UVSSA: variants seen among roughly 807,000 people sequenced by gnomAD.
UVSSA encodes the protein UV stimulated scaffold protein A, also known as UV-stimulated scaffold protein A.
In UVSSA, 72 loss-of-function variants were observed where a neutral mutation model predicts 73.9. The observed-to-expected ratio is 0.97, with a 90% CI of 0.81 to 1.19. The LOEUF (loss-of-function observed/expected upper bound fraction) is 1.19, where lower values mean the gene tolerates loss of function less well. UVSSA is among the 50% of genes most tolerant of loss of function. The pLI, the probability that UVSSA is intolerant of heterozygous loss-of-function variation, is 0.00. For synonymous variants in UVSSA, 454 were observed against 391.3 expected (o/e 1.16, Z -1.89); for missense variants, 1,150 against 965.0 (o/e 1.19, Z -2.54).
At chr4:1,350,347 C>T (rs538529243) in intron 3 of UVSSA, among the ~76,000 whole-genome samples, 1 of 152,322 alleles carries the variant, frequency 6.6e-6, no homozygotes, top group East Asian at 1.9e-4. Context: ...CTACCGTGCC[C>T]CTTACCCCAC....
chr4:1,381,384 C>A (rs991396223), intron 12 of UVSSA, among the ~76,000 whole-genome samples: 1 of 152,226 alleles, frequency 6.6e-6, no homozygotes, highest in African/African-American at 2.4e-5. Flanking sequence ...GCCTCCTCAG[C>A]CATACCCCGC....
intron 7 of UVSSA, among the ~76,000 whole-genome samples, chr4:1,355,594 G>A (rs1464724910): frequency 1.3e-5 from 2 of 152,194 alleles, no homozygotes; most frequent in African/African-American, 2.4e-5. Context: ...GTCCTGGCAG[G>A]CACTGTATCC....
chr4:1,345,806 G>A (rs1004454915), upstream of UVSSA, among the ~76,000 whole-genome samples: 2 of 152,082 alleles, frequency 1.3e-5, no homozygotes, highest in African/African-American at 2.4e-5. Context: ...AAGAAAAGTT[G>A]GATAAAGAGA....
chr4:1,349,004 T>C (rs1714194740), intron 2 of UVSSA, among the ~76,000 whole-genome samples: 1 of 151,188 alleles, frequency 6.6e-6, no homozygotes, highest in Non-Finnish European at 1.5e-5. Flanking sequence ...CGGTGTGCGT[T>C]GTGCCGGGCG....
At chr4:1,378,076 C>T (rs570651029) in intron 10 of UVSSA, among the ~76,000 whole-genome samples, 1 of 152,358 alleles carries the variant, frequency 6.6e-6, no homozygotes, top group Admixed American at 6.5e-5. Context: ...GGGGTCCTGC[C>T]CTCTGGCTCT....
chr4:1,394,207 T>C, exon 14 of UVSSA: 1 of 539,538 alleles, frequency 1.9e-6, no homozygotes, highest in South Asian at 2.1e-5. Flanking sequence ...CTTCCATGCC[T>C]CCAGGAGTGT....
At chr4:1,371,608 G>T (rs1391335520) in intron 8 of UVSSA, among the ~76,000 whole-genome samples, 1 of 152,186 alleles carries the variant, frequency 6.6e-6, no homozygotes, top group African/African-American at 2.4e-5. Context: ...CACAATCATG[G>T]TGGAAGGCAA....
intron 11 of UVSSA, chr4:1,380,562 G>T: frequency 7.9e-7 from 1 of 1,273,774 alleles, no homozygotes; most frequent in Non-Finnish European, 1.1e-6. Flanking sequence ...GAGGCCAGGG[G>T]GCCAGGGCAG....
chr4:1,357,531 G>A (rs1715962006), intron 7 of UVSSA, among the ~76,000 whole-genome samples: 1 of 152,234 alleles, frequency 6.6e-6, no homozygotes, highest in South Asian at 2.1e-4. Flanking sequence ...GCCTGCTTGG[G>A]TGAGGATGAG....
At chr4:1,349,200 G>A (rs1479981620) in intron 2 of UVSSA, among the ~76,000 whole-genome samples, 1 of 152,210 alleles carries the variant, frequency 6.6e-6, no homozygotes, top group Non-Finnish European at 1.5e-5. Context: ...TGATGTAGGT[G>A]GATAGATGGG....
At chr4:1,361,197 A>C (rs751301704) in intron 7 of UVSSA, among the ~76,000 whole-genome samples, 3 of 152,176 alleles carry the variant, frequency 2.0e-5, no homozygotes, top group Non-Finnish European at 4.4e-5. Flanking sequence ...TCTCACACCC[A>C]AGAAGGCCCC....
upstream of UVSSA, among the ~76,000 whole-genome samples, chr4:1,342,126 A>G (rs1019012576): frequency 7.2e-5 from 11 of 152,224 alleles, no homozygotes; most frequent in African/African-American, 2.7e-4. Context: ...ATTCTCTGGA[A>G]GTAGAAGGAA....
chr4:1,385,801 C>G (rs944424807), intron 13 of UVSSA, 67 bp from the exon 14 acceptor site: 1 of 1,551,562 alleles, frequency 6.4e-7, no homozygotes, highest in Non-Finnish European at 8.9e-7. Context: ...TTTGGTGATG[C>G]CGCCACTGGG....
At chr4:1,363,322 A>G (rs1174126954) in intron 7 of UVSSA, among the ~76,000 whole-genome samples, 1 of 152,142 alleles carries the variant, frequency 6.6e-6, no homozygotes, top group Non-Finnish European at 1.5e-5. Flanking sequence ...AGGGCTCCAA[A>G]TTTAGTCACA....
At chr4:1,395,642 G>T in exon 14 of UVSSA, 1 of 1,581,984 alleles carries the variant, frequency 6.3e-7, no homozygotes, top group Middle Eastern at 1.7e-4. Flanking sequence ...CTGCTCACAC[G>T]TGCCCATGTG....
intron 5 of UVSSA, among the ~76,000 whole-genome samples, chr4:1,354,066 T>C (rs1191197020): frequency 6.6e-6 from 1 of 152,206 alleles, no homozygotes; most frequent in Non-Finnish European, 1.5e-5. Context: ...CCTTCTTCTT[T>C]GGAAGCAGGC....
chr4:1,348,089 G>A lies in UVSSA; in HGVS notation c.-2-1G>A, dbSNP rs757606945. 1 of 1,610,190 alleles carries A rather than the reference G, an allele frequency of 6.2e-7. No individual in the cohort carries two copies. The highest frequency in any genetic ancestry group is 1.1e-5 in the South Asian group (1 of 90,976). Reference sequence around the variant, plus strand: ...AGCATCTCTGCCTTACTTATTTCTAGATATGGATCAGAAACTTTCGAAGTT... The same window carrying A: ...AGCATCTCTGCCTTACTTATTTCTAAATATGGATCAGAAACTTTCGAAGTT... On this transcript the variant is annotated splice_acceptor_variant, in intron 1 of 13. Transcript: ENST00000389851. LOFTEE classifies it low-confidence loss of function (5UTR_SPLICE).
At chr4:1,366,577 C>A in intron 8 of UVSSA, 146 bp downstream of exon 8, 2 of 587,840 alleles carry the variant, frequency 3.4e-6, no homozygotes, top group Non-Finnish European at 5.9e-6. Flanking sequence ...GCTTTTCCTG[C>A]TCACGGTCGT....
exon 14 of UVSSA, chr4:1,394,340 T>C: frequency 8.5e-7 from 1 of 1,173,040 alleles, no homozygotes; most frequent in South Asian, 1.6e-5. Context: ...AGAATGCTCT[T>C]CCCCCTTAAA....
Sources: allele counts gnomAD v4.1 joint callset (sites outside exome capture counted in the v4.1 genomes callset), GRCh38; gene constraint gnomAD v4.1.1; transcripts MANE v1.5; gene names NCBI Gene and HGNC (gene_info 2026-07-23, HGNC 2026-07-21).